The following ROBO2 variants were observed in gnomAD, a reference collection of about 807,000 sequenced individuals.
ROBO2 encodes the protein roundabout guidance receptor 2.
A neutral mutation model predicts 160.8 loss-of-function variants in ROBO2; 53 were observed. The observed-to-expected ratio is 0.33, with a 90% CI of 0.26 to 0.41. ROBO2 has a LOEUF of 0.41. Among genes scored for constraint, ROBO2 ranks in the 10% least tolerant of loss-of-function variants. The probability of loss-of-function intolerance (pLI) is 1.00; values close to 1 mark genes in which losing one functional copy is unlikely to be tolerated. For synonymous variants in ROBO2, 664 were observed against 611.7 expected (o/e 1.09, Z -1.26); for missense variants, 1,577 against 1,722.4 (o/e 0.92, Z 1.49).
intron 2 of ROBO2, among the ~76,000 whole-genome samples, chr3:76,895,213 G>A (rs1043453825): frequency 5.3e-5 from 8 of 151,590 alleles, no homozygotes; most frequent in African/African-American, 1.9e-4. Flanking sequence ...AAATCATTTA[G>A]CTTTAAAAGG....
chr3:76,422,941 A>G (rs983961175), intron 2 of ROBO2, among the ~76,000 whole-genome samples: 2 of 152,144 alleles, frequency 1.3e-5, no homozygotes, highest in Non-Finnish European at 2.9e-5. Context: ...TTTACTAAAG[A>G]TGCATGATGA....
chr3:77,589,453 A>T (rs2094130962), intron 17 of ROBO2, among the ~76,000 whole-genome samples: 1 of 152,132 alleles, frequency 6.6e-6, no homozygotes, highest in Admixed American at 6.6e-5. Flanking sequence ...GGCATGAATT[A>T]AGTGATTTAC....
At chr3:76,333,763 T>A (rs1010126052) in intron 2 of ROBO2, among the ~76,000 whole-genome samples, 10 of 152,154 alleles carry the variant, frequency 6.6e-5, no homozygotes, top group Non-Finnish European at 1.3e-4. Context: ...TGTTGGACAT[T>A]TGGGTTGGTT....
chr3:76,831,576 T>C (rs1008179692), intron 2 of ROBO2, among the ~76,000 whole-genome samples: 3 of 152,208 alleles, frequency 2.0e-5, no homozygotes, highest in African/African-American at 7.2e-5. Context: ...CAGCTTTTCC[T>C]CATGACTCAA....
intron 2 of ROBO2, among the ~76,000 whole-genome samples, chr3:77,474,113 C>T (rs1372280121): frequency 6.6e-6 from 1 of 152,144 alleles, no homozygotes; most frequent in East Asian, 1.9e-4. Context: ...GACAACAAAC[C>T]TGGGCAAACT....
rs2089212555 is a variant in ROBO2 at position 76,622,245 on chromosome 3, A to AGAAAGAAG, written c.110-475762_110-475761insGGAAAGAA. Among the ~76,000 whole-genome samples the AGAAAGAAG allele has an allele frequency of 4.1e-4, 18 of 44,170 alleles. 2 individuals are homozygous for AGAAAGAAG. Among genetic ancestry groups the AGAAAGAAG allele is most frequent in the Non-Finnish European group, 8.0e-4 (18 of 22,600 alleles). 29.0% of individuals were successfully genotyped at this position (44,170 alleles called of 152,430 possible). On this transcript the variant is annotated intron_variant, in intron 2 of 26. Coordinates refer to the ROBO2 transcript ENST00000487694. The stretch of plus-strand genomic sequence containing the variant: ...AAGGAAGGAAGGAAGGAAGAAAGAA[A>AGAAAGAAG]GAAAGAAAGAAAGAAAGAAAGAAAG...
chr3:77,549,137 A>C (rs2092816769), intron 7 of ROBO2, among the ~76,000 whole-genome samples: 1 of 151,884 alleles, frequency 6.6e-6, no homozygotes, highest in East Asian at 2.0e-4. Context: ...TGCCTATGTC[A>C]TGCAAGCAGA....
At chr3:75,971,710 A>G (rs1175791655) in intron 2 of ROBO2, among the ~76,000 whole-genome samples, 5 of 151,544 alleles carry the variant, frequency 3.3e-5, no homozygotes, top group African/African-American at 4.8e-5. Flanking sequence ...ACTTCAGGCT[A>G]CATGGCTAAA....
chr3:77,604,717 T>C (rs985032396), intron 20 of ROBO2, among the ~76,000 whole-genome samples: 2 of 152,154 alleles, frequency 1.3e-5, no homozygotes, highest in Non-Finnish European at 2.9e-5. Context: ...CTTATGCTTA[T>C]AATCATAGGT....
At chr3:76,010,073 G>A (rs973478050) in intron 2 of ROBO2, among the ~76,000 whole-genome samples, 8 of 152,184 alleles carry the variant, frequency 5.3e-5, no homozygotes, top group Non-Finnish European at 1.2e-4. Context: ...TTGGACATCT[G>A]TAGATACTTG....
chr3:77,198,627 G>A (rs779284182), intron 2 of ROBO2, among the ~76,000 whole-genome samples: 110 of 152,160 alleles, frequency 7.2e-4, no homozygotes, highest in Non-Finnish European at 6.0e-4. Flanking sequence ...ACGGCCAGGC[G>A]CAGTAGCTCA....
intron 2 of ROBO2, among the ~76,000 whole-genome samples, chr3:76,420,853 CT>C (rs749108208): frequency 2.6e-5 from 4 of 152,122 alleles, no homozygotes; most frequent in Non-Finnish European, 4.4e-5. Flanking sequence ...TATTTTGTGT[CT>C]CCACAGAAAA....
chr3:76,059,809 C>G (rs915812020), intron 2 of ROBO2, among the ~76,000 whole-genome samples: 1 of 152,114 alleles, frequency 6.6e-6, no homozygotes, highest in Non-Finnish European at 1.5e-5. Context: ...CTTTATCCAT[C>G]TTGAATTAAT....
chr3:76,673,746 A>G (rs1393994260), intron 2 of ROBO2, among the ~76,000 whole-genome samples: 1 of 152,100 alleles, frequency 6.6e-6, no homozygotes, highest in Admixed American at 6.6e-5. Context: ...AAATGAAAAT[A>G]GACCCAAAAT....
intron 14 of ROBO2, among the ~76,000 whole-genome samples, chr3:77,576,040 A>T (rs1316231994): frequency 6.6e-6 from 1 of 152,076 alleles, no homozygotes; most frequent in Non-Finnish European, 1.5e-5. Flanking sequence ...GGAATAATTG[A>T]CCTGTCAGGA....
chr3:77,256,420 A>G (rs1287876491), intron 2 of ROBO2, among the ~76,000 whole-genome samples: 1 of 152,188 alleles, frequency 6.6e-6, no homozygotes, highest in Non-Finnish European at 1.5e-5. Flanking sequence ...CTTCCCTTTT[A>G]TGCACAATGA....
At chr3:76,678,127 C>A (rs540117412) in intron 2 of ROBO2, among the ~76,000 whole-genome samples, 1 of 151,488 alleles carries the variant, frequency 6.6e-6, no homozygotes, top group East Asian at 1.9e-4. Context: ...CACACCACCA[C>A]GCCCGGCTAA....
At chr3:76,195,716 G>C (rs1056261994) in intron 2 of ROBO2, among the ~76,000 whole-genome samples, 2 of 152,188 alleles carry the variant, frequency 1.3e-5, no homozygotes, top group African/African-American at 4.8e-5. Flanking sequence ...ATAAGGAGAA[G>C]AATAAGGATT....
At chr3:75,948,333 A>G (rs1948399051) in intron 2 of ROBO2, among the ~76,000 whole-genome samples, 1 of 152,054 alleles carries the variant, frequency 6.6e-6, no homozygotes, top group African/African-American at 2.4e-5. Flanking sequence ...AGTGTAGAGT[A>G]GGGCTGGAAA....
Sources: allele counts gnomAD v4.1 joint callset (sites outside exome capture counted in the v4.1 genomes callset), GRCh38; gene constraint gnomAD v4.1.1; transcripts MANE v1.5; gene names NCBI Gene and HGNC (gene_info 2026-07-23, HGNC 2026-07-21).